Variants in CDH13 observed in about 807,000 individuals in gnomAD.
CDH13 encodes the protein cadherin 13.
In CDH13, 24 loss-of-function variants were observed where a neutral mutation model predicts 63.8. The observed-to-expected ratio is 0.38, with a 90% confidence interval of 0.27 to 0.53. The LOEUF (loss-of-function observed/expected upper bound fraction) is 0.53. Among genes scored for constraint, CDH13 ranks in the 20% least tolerant of loss-of-function variants. The pLI is 0.85. For synonymous variants in CDH13, 503 were observed against 355.3 expected (o/e 1.42, Z -4.67); for missense variants, 1,049 against 903.1 (o/e 1.16, Z -2.07).
intron 6 of CDH13, among the ~76,000 whole-genome samples, chr16:83,401,109 G>A (rs1567647107): frequency 6.6e-6 from 1 of 152,160 alleles, no homozygotes; most frequent in African/African-American, 2.4e-5. Flanking sequence ...GGGAAGCCGA[G>A]GTGGGTGGAT....
At chr16:83,083,593 C>G (rs932422608) in intron 3 of CDH13, among the ~76,000 whole-genome samples, 1 of 152,186 alleles carries the variant, frequency 6.6e-6, no homozygotes, top group African/African-American at 2.4e-5. Context: ...TTCTCTAGTA[C>G]TCTATGCTGC....
chr16:83,672,745 C>T (rs1914622465), intron 9 of CDH13, among the ~76,000 whole-genome samples: 1 of 152,162 alleles, frequency 6.6e-6, no homozygotes, highest in South Asian at 2.1e-4. Context: ...TTGCTCATAT[C>T]TATTTTCCTT....
rs775725656 is a variant in CDH13 at position 83,057,808 on chromosome 16, G to C, written c.366+25590G>C. 2.6e-5 allele frequency among the ~76,000 whole-genome samples: 4 copies of C among 152,270 alleles called. No homozygotes were observed. In the East Asian group the frequency reaches 7.8e-4, roughly 30 times the overall value. On this transcript the variant is annotated intron_variant, in intron 3 of 13. Coordinates refer to ENST00000567109, the MANE Select transcript of CDH13 (RefSeq NM_001257.5). The stretch of plus-strand genomic sequence containing the variant: ...GGGGTGAGGGTAGATGTTAAGACCA[G>C]AGTGTGCTTCCAGCACACTTGTATT...
intron 2 of CDH13, among the ~76,000 whole-genome samples, chr16:82,965,393 T>C (rs1907660664): frequency 6.6e-6 from 1 of 152,254 alleles, no homozygotes; most frequent in Non-Finnish European, 1.5e-5. Flanking sequence ...AAGTTTTCTA[T>C]GGAGTATTTT....
rs1006399405 is a variant in CDH13 at position 83,104,721 on chromosome 16, G to T, written c.367-20664G>T. On this transcript the variant is annotated intron_variant, in intron 3 of 13. Transcript: ENST00000567109. ...AATTTCAGTCGTAGGAGATATTTAA[G>T]AATTGGTTGAACAAAGGGGGCAATT... is the stretch of plus-strand genomic sequence containing the variant. Among the ~76,000 whole-genome samples the T allele has an allele frequency of 4.6e-5, 7 of 152,164 alleles. No homozygotes were observed. The East Asian group carries it at 7.7e-4, about 17-fold the overall frequency.
chr16:83,082,519 A>C (rs965477303), intron 3 of CDH13, among the ~76,000 whole-genome samples: 2 of 151,866 alleles, frequency 1.3e-5, no homozygotes, highest in African/African-American at 2.4e-5. Context: ...TGTAATCCAA[A>C]CTATTTGGAA....
At chr16:82,689,914 G>A (rs1915464873) in intron 1 of CDH13, among the ~76,000 whole-genome samples, 1 of 143,268 alleles carries the variant, frequency 7.0e-6, no homozygotes, top group Non-Finnish European at 1.5e-5. Context: ...GGAGGCCAAG[G>A]TGGGCTGATC....
At chr16:83,288,775 G>A (rs1409772295) in intron 5 of CDH13, among the ~76,000 whole-genome samples, 5 of 152,176 alleles carry the variant, frequency 3.3e-5, no homozygotes, top group Non-Finnish European at 5.9e-5. Context: ...TCTGCAAAAC[G>A]AGCCGCTGCA....
chr16:83,763,198 T>C (rs531731942), intron 11 of CDH13, among the ~76,000 whole-genome samples: 2 of 152,068 alleles, frequency 1.3e-5, no homozygotes, highest in Non-Finnish European at 2.9e-5. Flanking sequence ...CAGTGAAAAA[T>C]GTGATGTGGG....
intron 1 of CDH13, among the ~76,000 whole-genome samples, chr16:82,724,190 T>C (rs2032953311): frequency 6.6e-6 from 1 of 152,328 alleles, no homozygotes; most frequent in South Asian, 2.1e-4. Flanking sequence ...CTCATTTTTG[T>C]TCTCAGACAA....
intron 1 of CDH13, among the ~76,000 whole-genome samples, chr16:82,841,455 C>T (rs891331070): frequency 6.6e-6 from 1 of 152,180 alleles, no homozygotes; most frequent in Admixed American, 6.5e-5. Context: ...TTTAGCAAAG[C>T]AGCAGCTCCC....
chr16:82,819,826 C>G (rs569489174), intron 1 of CDH13, among the ~76,000 whole-genome samples: 2 of 152,304 alleles, frequency 1.3e-5, no homozygotes, highest in South Asian at 2.1e-4. Flanking sequence ...AACTGACATT[C>G]TAGCAGAAGA....
At chr16:83,502,755 C>T (rs967746629) in intron 7 of CDH13, among the ~76,000 whole-genome samples, 1 of 152,178 alleles carries the variant, frequency 6.6e-6, no homozygotes, top group Non-Finnish European at 1.5e-5. Context: ...CCATGAAGAG[C>T]TCTTGACCAA....
intron 6 of CDH13, among the ~76,000 whole-genome samples, chr16:83,349,611 CACTATT>C (rs1401814157): frequency 2.1e-5 from 3 of 143,494 alleles, no homozygotes; most frequent in African/African-American, 7.9e-5. Flanking sequence ...TTATTATTAT[CACTATT>C]GAGACGGAGT....
intron 4 of CDH13, among the ~76,000 whole-genome samples, chr16:83,138,352 C>T (rs768483610): frequency 3.3e-5 from 5 of 151,782 alleles, no homozygotes; most frequent in Admixed American, 6.6e-5. Context: ...GGCAGACAAG[C>T]GCTGTGATGG....
At chr16:83,091,293 C>T (rs553075956) in intron 3 of CDH13, among the ~76,000 whole-genome samples, 1 of 151,974 alleles carries the variant, frequency 6.6e-6, no homozygotes, top group African/African-American at 2.4e-5. Context: ...TCCATGAGCA[C>T]TTGGTAACCA....
chr16:82,683,431 G>A (rs942294668), intron 1 of CDH13, among the ~76,000 whole-genome samples: 4 of 152,130 alleles, frequency 2.6e-5, no homozygotes, highest in East Asian at 1.9e-4. Context: ...TCCATAGCCC[G>A]ATGCAATGTC....
chr16:83,037,020 G>A (rs949955827), intron 3 of CDH13, among the ~76,000 whole-genome samples: 1 of 152,202 alleles, frequency 6.6e-6, no homozygotes, highest in African/African-American at 2.4e-5. Flanking sequence ...TGATATGACA[G>A]GAGCTATGGA....
chr16:83,296,363 T>C (rs919562668), intron 5 of CDH13, among the ~76,000 whole-genome samples: 3 of 152,158 alleles, frequency 2.0e-5, no homozygotes, highest in African/African-American at 7.2e-5. Context: ...CATTCTGTTG[T>C]TAGTGCCTGG....
Sources: gnomAD v4.1 joint callset for allele counts (sites outside exome capture counted in the v4.1 genomes callset) on GRCh38, gnomAD v4.1.1 for gene constraint, MANE v1.5 for transcripts, NCBI Gene and HGNC (gene_info 2026-07-23, HGNC 2026-07-21) for gene names.